The following GOLGA8S variants were observed in gnomAD, a reference collection of about 807,000 sequenced individuals.
The protein encoded by GOLGA8S is golgin A8 family member S, also known as golgin subfamily A member 8S.
GOLGA8S carries 23 observed loss-of-function variants against 58.9 expected under a neutral mutation model. The observed-to-expected ratio is 0.39, with a 90% CI of 0.28 to 0.55. GOLGA8S has a LOEUF of 0.55. Among genes scored for constraint, GOLGA8S ranks in the 20% least tolerant of loss-of-function variants. GOLGA8S has a pLI of 0.63. For missense variants in GOLGA8S, 266 were observed against 514.2 expected (o/e 0.52, Z 4.67); for synonymous variants, 84 against 195.7 (o/e 0.43, Z 4.76).
chr15:23,366,577 C>T (rs182170781), downstream of GOLGA8S: 1 of 152,080 alleles, frequency 6.6e-6, no homozygotes, highest in African/African-American at 2.4e-5. Context: ...CGTGCCTATA[C>T]AATCACAGAG....
At chr15:23,365,713 T>A (rs1009831261), downstream of GOLGA8S, 2 of 176,876 alleles carry the variant, frequency 1.1e-5, no homozygotes, top group African/African-American at 4.8e-5. Flanking sequence ...TTTCCTCCAT[T>A]TTCTGTGTAT....
exon 12 of GOLGA8S, chr15:23,361,337 C>T (rs758797545): frequency 3.9e-5 from 46 of 1,182,786 alleles, no homozygotes; most frequent in Admixed American, 5.1e-5. Context: ...GTACAATCAG[C>T]GCATAAGTCT....
At chr15:23,365,313 G>T (rs1221415887), downstream of GOLGA8S, 6 of 709,998 alleles carry the variant, frequency 8.5e-6, no homozygotes, top group East Asian at 2.7e-5. Flanking sequence ...GTGGGTGTCT[G>T]TGGCTCTCAC....
chr15:23,366,833 AG>A (rs1226530511), downstream of GOLGA8S: 1 of 145,692 alleles, frequency 6.9e-6, no homozygotes, highest in Admixed American at 7.0e-5. Context: ...GCAGGGAGAT[AG>A]GTGTGTGTGC....
At chr15:23,367,866 T>C (rs2069946665), downstream of GOLGA8S, among the ~76,000 whole-genome samples, 1 of 151,826 alleles carries the variant, frequency 6.6e-6, no homozygotes, top group African/African-American at 2.4e-5. Flanking sequence ...TATATAATAA[T>C]CATTTTAAAA....
intron 4 of GOLGA8S, among the ~76,000 whole-genome samples, chr15:23,357,903 G>T (rs549416275): frequency 6.7e-6 from 1 of 150,162 alleles, no homozygotes; most frequent in African/African-American, 2.5e-5. Context: ...CTGGTTGTCA[G>T]GGTCCCTGTA....
chr15:23,357,859 G>A (rs1227968723), intron 4 of GOLGA8S, among the ~76,000 whole-genome samples: 1 of 150,046 alleles, frequency 6.7e-6, no homozygotes, highest in African/African-American at 2.5e-5. Context: ...CACACGCCCT[G>A]GGATTGTTGC....
chr15:23,363,556 A>G, intron 14 of GOLGA8S, 122 bp from the exon 15 acceptor site: 2 of 315,162 alleles, frequency 6.3e-6, no homozygotes, highest in Non-Finnish European at 5.5e-6. Context: ...ACAGCAGCTC[A>G]TTCCTCTCTG....
At chr15:23,357,469 C>G in intron 3 of GOLGA8S, 70 bp from the exon 4 acceptor site, 1 of 1,532,006 alleles carries the variant, frequency 6.5e-7, no homozygotes, top group Non-Finnish European at 8.9e-7. Flanking sequence ...CACACCCCAG[C>G]CCTAATGATT....
exon 16 of GOLGA8S, chr15:23,364,378 C>G (rs1372316368): frequency 1.9e-6 from 3 of 1,603,272 alleles, no homozygotes; most frequent in Non-Finnish European, 2.5e-6. Flanking sequence ...AGAAGGCAGA[C>G]CTGAGTGAGC....
At chr15:23,364,408 T>C (rs4036678) in exon 16 of GOLGA8S, 18 of 1,604,146 alleles carry the variant, frequency 1.1e-5, no homozygotes, top group Middle Eastern at 1.7e-4. Context: ...AACAAGAACT[T>C]CGCTTCATTC....
chr15:23,363,888 G>C, intron 15 of GOLGA8S, 119 bp downstream of exon 15: 3 of 581,320 alleles, frequency 5.2e-6, no homozygotes. Flanking sequence ...CCTTCCGAGA[G>C]CCAGTGGTCA....
chr15:23,359,803 GTTT>G (rs2069754486), intron 8 of GOLGA8S, among the ~76,000 whole-genome samples: 1 of 142,744 alleles, frequency 7.0e-6, no homozygotes, highest in Admixed American at 7.0e-5. Flanking sequence ...AGATCTGGGT[GTTT>G]AAATCCCAGC....
chr15:23,365,616 C>G (rs1047190407), downstream of GOLGA8S: 2 of 263,604 alleles, frequency 7.6e-6, no homozygotes, highest in Non-Finnish European at 1.5e-5. Flanking sequence ...AGTTTGCCCC[C>G]AAGCGTGCAC....
At chr15:23,366,332 T>C (rs1395175213), downstream of GOLGA8S, 1 of 151,242 alleles carries the variant, frequency 6.6e-6, no homozygotes, top group African/African-American at 2.4e-5. Flanking sequence ...TCAACCACCT[T>C]GGTTACTCTG....
rs1427498023 is a variant in GOLGA8S, at chr15:23,359,353, C to T, written c.591+144C>T. Reference sequence around the variant, plus strand: ...CACTGCTTTTTTGTATGGTTGTTAGCGGCAGCTTGGGACTGAGTCAGCTGC... The same window carrying T: ...CACTGCTTTTTTGTATGGTTGTTAGTGGCAGCTTGGGACTGAGTCAGCTGC... On this transcript the variant is annotated intron_variant, in intron 8 of 18. Coordinates refer to ENST00000562295, the Ensembl canonical transcript of GOLGA8S. 227 of 660,902 alleles carry T rather than the reference C, an allele frequency of 3.4e-4. 10 individuals carry two copies. Among genetic ancestry groups the T allele is most frequent in the South Asian group, 5.1e-4 (33 of 64,476 alleles). The allele number at this position is 660,902 out of a possible 1,614,324, so 40.9% of individuals were successfully genotyped here. A position where few individuals can be genotyped will look rare whatever the true frequency, so the allele number is the denominator to read the frequency against.
chr15:23,365,389 T>G, downstream of GOLGA8S: 1 of 602,902 alleles, frequency 1.7e-6, no homozygotes, highest in Non-Finnish European at 2.9e-6. Flanking sequence ...GTCATTAGCA[T>G]GCATATCGAG....
exon 12 of GOLGA8S, chr15:23,361,337 C>G: frequency 8.5e-7 from 1 of 1,182,890 alleles, no homozygotes. Context: ...GTACAATCAG[C>G]GCATAAGTCT....
Position 23,360,688 on chromosome 15 carries a change from C to A in GOLGA8S, c.787-40C>A, listed in dbSNP as rs537141659. On this transcript the variant is annotated intron_variant, in intron 10 of 18. Coordinates refer to ENST00000562295, the Ensembl canonical transcript of GOLGA8S. ...AGAGGGCAGCCTGTCCAGCCTCCAG[C>A]CCCTCTCTCCAGGGCCCTTTCCCCC... 5.1e-5 allele frequency: 59 copies of A among 1,148,238 alleles called. 2 individuals are homozygous for A. In the African/African-American group the frequency reaches 5.6e-4, roughly 11 times the overall value. The allele number at this position is 1,148,238 out of a possible 1,614,324, so 71.1% of individuals were successfully genotyped here.
Sources: gnomAD v4.1 joint callset for allele counts (sites outside exome capture counted in the v4.1 genomes callset) on GRCh38, gnomAD v4.1.1 for gene constraint, MANE v1.5 for transcripts, NCBI Gene and HGNC (gene_info 2026-07-23, HGNC 2026-07-21) for gene names.